YEATS4: variants seen among roughly 807,000 people sequenced by gnomAD.
YEATS4 encodes the protein YEATS domain containing 4, also known as YEATS domain-containing protein 4.
A neutral mutation model predicts 30.1 loss-of-function variants in YEATS4; 17 were observed. The observed-to-expected ratio is 0.56, with a 90% CI of 0.39 to 0.85. The LOEUF (loss-of-function observed/expected upper bound fraction) is 0.85. Among genes scored for constraint, YEATS4 ranks in the 40% least tolerant of loss-of-function variants. The pLI, the probability that YEATS4 is intolerant of heterozygous loss-of-function variation, is 0.00. For missense variants in YEATS4, 142 were observed against 268.3 expected (o/e 0.53, Z 3.29); for synonymous variants, 85 against 87.5 (o/e 0.97, Z 0.16).
At chr12:69,411,586 T>C in the YEATS4 span, among the ~76,000 whole-genome samples, 15 of 152,314 alleles carry the variant, frequency 9.8e-5, no homozygotes, top group Non-Finnish European at 2.1e-4. Flanking sequence ...TGTTTCATGA[T>C]ACGGGAAAAA....
At chr12:69,373,410 G>A (rs564689208) in intron 6 of YEATS4, among the ~76,000 whole-genome samples, 2 of 152,062 alleles carry the variant, frequency 1.3e-5, no homozygotes, top group South Asian at 2.1e-4. Context: ...GCACCTTTTC[G>A]TATACCTGTT....
the YEATS4 span, among the ~76,000 whole-genome samples, chr12:69,419,447 C>T: frequency 6.6e-6 from 1 of 151,964 alleles, no homozygotes; most frequent in Admixed American, 6.6e-5. Flanking sequence ...GTCTTGAACT[C>T]GTAGTCTCAA....
At position 69,390,136 on chromosome 12, in the gene YEATS4, G is replaced by A; in HGVS notation, c.515-11G>A. On this transcript the variant is annotated splice_polypyrimidine_tract_variant and intron_variant, in intron 6 of 6. Transcript: ENST00000247843. The stretch of plus-strand genomic sequence containing the variant: ...GAAAAATACTTTAGTAAAAGTATTT[G>A]TTTTCTTTAGTTGCAGAGCTTGAAG... The A allele has an allele frequency of 8.3e-6, 13 of 1,568,214 alleles. No homozygotes were observed. Among genetic ancestry groups the A allele is most frequent in the Non-Finnish European group, 1.1e-5 (13 of 1,167,158 alleles).
downstream of YEATS4, among the ~76,000 whole-genome samples, chr12:69,392,799 T>G (rs1868325980): frequency 1.3e-5 from 2 of 152,358 alleles, no homozygotes; most frequent in South Asian, 4.1e-4. Context: ...CTTTTCTGTC[T>G]CATTAATACT....
intron 6 of YEATS4, among the ~76,000 whole-genome samples, chr12:69,385,137 A>G (rs1299537489): frequency 1.3e-5 from 2 of 151,780 alleles, no homozygotes; most frequent in East Asian, 3.9e-4. Flanking sequence ...TTGGCCCCCT[A>G]ACAGTAGCTA....
chr12:69,424,652 G>C, the YEATS4 span, among the ~76,000 whole-genome samples: 2 of 152,076 alleles, frequency 1.3e-5, no homozygotes, highest in African/African-American at 2.4e-5. Flanking sequence ...TAGTGAGTGA[G>C]TTCTCACGAG....
the YEATS4 span, among the ~76,000 whole-genome samples, chr12:69,414,244 T>A: frequency 6.6e-6 from 1 of 152,196 alleles, no homozygotes; most frequent in African/African-American, 2.4e-5. Flanking sequence ...TTTAACTTTT[T>A]AAAAGAGATA....
At chr12:69,397,537 C>T in the YEATS4 span, among the ~76,000 whole-genome samples, 1 of 152,164 alleles carries the variant, frequency 6.6e-6, no homozygotes, top group Non-Finnish European at 1.5e-5. Context: ...AGTTCCCCTG[C>T]ACACGCTCTC....
At chr12:69,367,778 A>G (rs1329599114) in intron 4 of YEATS4, among the ~76,000 whole-genome samples, 1 of 152,222 alleles carries the variant, frequency 6.6e-6, no homozygotes, top group African/African-American at 2.4e-5. Flanking sequence ...GGGAAAAGAG[A>G]GCATAGAATT....
At chr12:69,386,016 CTT>C (rs1467582569) in intron 6 of YEATS4, among the ~76,000 whole-genome samples, 1 of 152,186 alleles carries the variant, frequency 6.6e-6, no homozygotes, top group Non-Finnish European at 1.5e-5. Context: ...GCTGAACTGA[CTT>C]TATAAAAGTA....
chr12:69,426,584 T>G, the YEATS4 span, among the ~76,000 whole-genome samples: 1 of 152,162 alleles, frequency 6.6e-6, no homozygotes, highest in Non-Finnish European at 1.5e-5. Flanking sequence ...TTAGTCACGC[T>G]GATCTCGAAC....
chr12:69,400,864 T>G, the YEATS4 span: 2 of 152,016 alleles, frequency 1.3e-5, no homozygotes, highest in Admixed American at 1.3e-4. Context: ...GCATTAAGAG[T>G]AATAGCCACT....
intron 6 of YEATS4, among the ~76,000 whole-genome samples, chr12:69,371,529 A>G (rs78257914): frequency 0.015 from 2,309 of 152,308 alleles, 57 homozygotes; most frequent in African/African-American, 0.051. Flanking sequence ...GTCATTTGCA[A>G]TTGGCATTTA....
the YEATS4 span, among the ~76,000 whole-genome samples, chr12:69,414,871 C>T: frequency 1.3e-5 from 2 of 152,200 alleles, no homozygotes; most frequent in African/African-American, 4.8e-5. Flanking sequence ...CTGTGTTGTA[C>T]TTACGTGGCT....
intron 6 of YEATS4, 62 bp downstream of exon 6, chr12:69,371,037 A>G (rs530761472): frequency 6.6e-7 from 1 of 1,513,182 alleles, no homozygotes; most frequent in South Asian, 1.2e-5. Flanking sequence ...AAAGGGTTGT[A>G]TGATTCGTGC....
Position 69,370,702 on chromosome 12 carries a change from A to G in YEATS4, c.334-4A>G, listed in dbSNP as rs1164210020. On this transcript the variant is annotated splice_region_variant and splice_polypyrimidine_tract_variant and intron_variant, in intron 4 of 6. Transcript: ENST00000247843. ...CAGATTTGACATCTGTTTCTATTTC[A>G]CAGGTAACCCTGTATCATTTGCTAA... is the stretch of plus-strand genomic sequence containing the variant. 2.0e-6 allele frequency: 3 copies of G among 1,536,200 alleles called. No homozygotes were observed. The African/African-American group carries it at 4.2e-5, about 21-fold the overall frequency.
chr12:69,386,350 T>C (rs1482178736), intron 6 of YEATS4, among the ~76,000 whole-genome samples: 2 of 152,248 alleles, frequency 1.3e-5, no homozygotes, highest in Admixed American at 6.5e-5. Context: ...GTTTTAAAAC[T>C]ACCGCTTACA....
At chr12:69,405,897 T>C in the YEATS4 span, among the ~76,000 whole-genome samples, 2 of 152,252 alleles carry the variant, frequency 1.3e-5, no homozygotes, top group Admixed American at 1.3e-4. Flanking sequence ...ATTCCACCTA[T>C]TGAATTATCT....
downstream of YEATS4, among the ~76,000 whole-genome samples, chr12:69,393,302 CACAA>C (rs973051364): frequency 2.6e-5 from 4 of 152,010 alleles, no homozygotes; most frequent in Admixed American, 6.6e-5. Flanking sequence ...AAACAAAAGA[CACAA>C]ACAACAGAAA....
Sources: gnomAD v4.1 joint callset for allele counts (sites outside exome capture counted in the v4.1 genomes callset) on GRCh38, gnomAD v4.1.1 for gene constraint, MANE v1.5 for transcripts, NCBI Gene and HGNC (gene_info 2026-07-23, HGNC 2026-07-21) for gene names.